MORN1: variants seen among roughly 807,000 people sequenced by gnomAD.
MORN1 encodes MORN repeat containing 1.
A neutral mutation model predicts 61.9 loss-of-function variants in MORN1; 67 were observed. That is an observed-to-expected ratio of 1.08 (90% confidence interval 0.89 to 1.33). MORN1 has a LOEUF of 1.33. Among genes scored for constraint, MORN1 ranks in the 40% most tolerant of loss-of-function variants. The probability of loss-of-function intolerance (pLI) is 0.00; values close to 1 mark genes in which losing one functional copy is unlikely to be tolerated. For synonymous variants in MORN1, 301 were observed against 292.0 expected (o/e 1.03, Z -0.31); for missense variants, 752 against 691.2 (o/e 1.09, Z -0.99).
chr1:2,348,781 ACACACGCACG>A (rs1193685127), intron 10 of MORN1, among the ~76,000 whole-genome samples: 5 of 135,746 alleles, frequency 3.7e-5, no homozygotes, highest in African/African-American at 6.9e-5. Context: ...AGGCACGCAC[ACACACGCACG>A]CACACGCACT....
chr1:2,368,150 G>T (rs771615870), intron 8 of MORN1, among the ~76,000 whole-genome samples: 14 of 152,214 alleles, frequency 9.2e-5, no homozygotes, highest in Admixed American at 2.6e-4. Flanking sequence ...ATCTGATAAG[G>T]GGCTTGTGTC....
chr1:2,384,890 A>G, intron 6 of MORN1, 88 bp downstream of exon 6: 1 of 1,163,518 alleles, frequency 8.6e-7, no homozygotes, highest in Non-Finnish European at 1.2e-6. Flanking sequence ...AGAAGCTGCC[A>G]GGGTGAGGCT....
At chr1:2,322,101 C>G in intron 13 of MORN1, 1 of 985,426 alleles carries the variant, frequency 1.0e-6, no homozygotes, top group South Asian at 4.7e-5. Flanking sequence ...CTGGGGCTCT[C>G]CGGGTGGGGC....
chr1:2,372,221 GCATA>G lies in MORN1; in HGVS notation c.745+256_745+259del, dbSNP rs952616169. ...TCAGACCTGTGCACACCTGTGCAAG[GCATA>G]CACACATATGCACACACATACAGGA... On this transcript the variant is annotated intron_variant, in intron 8 of 13. Transcript: ENST00000378531. The surrounding 1 kb of genome is among the most constrained non-coding windows in gnomAD (Gnocchi z 5.4). 5.7e-5 allele frequency: 25 copies of G among 436,486 alleles called. No individual in the cohort carries two copies. Among genetic ancestry groups the G allele is most frequent in the African/African-American group, 5.0e-4 (25 of 49,928 alleles). The allele number at this position is 436,486 out of a possible 1,614,324, so 27.0% of individuals were successfully genotyped here.
At chr1:2,330,237 A>C (rs548687927) in intron 12 of MORN1, among the ~76,000 whole-genome samples, 56 of 152,234 alleles carry the variant, frequency 3.7e-4, no homozygotes, top group African/African-American at 1.3e-3. Context: ...ACACATTGCC[A>C]CCCTGAGTCC....
At chr1:2,363,805 C>CAA (rs1553217338) in intron 8 of MORN1, among the ~76,000 whole-genome samples, 9 of 124,888 alleles carry the variant, frequency 7.2e-5, no homozygotes, top group East Asian at 4.9e-4. Flanking sequence ...AACAAACAAA[C>CAA]AAAAAAATAT....
rs973060002 is a variant in MORN1, at chr1:2,387,502, A to G, written c.275T>C (p.Leu92Pro). 1.5e-5 allele frequency: 25 copies of G among 1,613,032 alleles called. No homozygotes were observed. The highest frequency in any genetic ancestry group is 2.7e-5 in the African/African-American group (2 of 74,930). The change falls in exon 4 of 14, where the codon CTG becomes CCG. Residue 92 changes from leucine (L) to proline (P), a missense_variant. By Grantham distance (98) the Leu-to-Pro change is moderately conservative. Coordinates refer to ENST00000378531, the MANE Select transcript of MORN1 (RefSeq NM_024848.3). ...GACGCCGTAGCCTTGAGGCTCTCCC[A>G]GAACAAACTGTCCAGAGAAGGTGTC... ...SGDTFSGQFV[L>P]GEPQGYGVME...
chr1:2,329,308 A>C (rs1641099171), intron 12 of MORN1, among the ~76,000 whole-genome samples: 1 of 152,214 alleles, frequency 6.6e-6, no homozygotes, highest in Non-Finnish European at 1.5e-5. Context: ...CTGCTTGGAC[A>C]AGACAGGGTT....
chr1:2,357,569 G>T lies in MORN1; in HGVS notation c.899C>A (p.Ser300Tyr). 6.2e-7 allele frequency: 1 copy of T among 1,610,496 alleles called. No individual in the cohort carries two copies. Residue 300 changes from serine (S) to tyrosine (Y), a missense_variant, in exon 10 of 14, where the codon TCC (serine) becomes TAC (tyrosine). Transcript: ENST00000378531. This position sits in a 1 kb window ranked among gnomAD's most constrained non-coding sequence, Gnocchi z 6.3. ...CCCCGGCACCCCAGCTGCGGGGCTGGACACAGGATAAGGGATGCATTCGAA... is the reference window on the plus strand; with the variant it reads ...CCCCGGCACCCCAGCTGCGGGGCTGTACACAGGATAAGGGATGCATTCGAA... ...FGFECIPYPVSSPAAGVPGPR... is the reference protein window; with the variant it reads ...FGFECIPYPVYSPAAGVPGPR...
Position 2,372,181 on chromosome 1 carries a change from C to CA in MORN1, c.745+299dup. On this transcript the variant is annotated intron_variant, in intron 8 of 13. Transcript: ENST00000378531. This position sits in a 1 kb window ranked among gnomAD's most constrained non-coding sequence, Gnocchi z 5.4. Reference sequence around the variant, plus strand: ...TGACACACGTGCACGCGTGCCCCCCCACACGTATACACATTCAGACCTGTG... The same window carrying CA: ...TGACACACGTGCACGCGTGCCCCCCCAACACGTATACACATTCAGACCTGTG... The CA allele has an allele frequency of 3.3e-6, 1 of 298,870 alleles. No individual in the cohort carries two copies. The highest frequency in any genetic ancestry group is 3.9e-5 in the South Asian group (1 of 25,780). 18.5% of individuals were successfully genotyped at this position (298,870 alleles called of 1,614,324 possible).
chr1:2,340,334 T>C (rs1449457964), intron 10 of MORN1, among the ~76,000 whole-genome samples: 3 of 152,128 alleles, frequency 2.0e-5, no homozygotes, highest in Admixed American at 2.0e-4. Flanking sequence ...TGCTGTGTCC[T>C]GCGCATCCCA....
chr1:2,343,238 C>T (rs560164425), intron 10 of MORN1, among the ~76,000 whole-genome samples: 11 of 152,336 alleles, frequency 7.2e-5, no homozygotes, highest in East Asian at 1.9e-4. Context: ...CTGGGACCTG[C>T]GGGCACCTCT....
intron 11 of MORN1, 21 bp downstream of exon 11, chr1:2,336,696 C>A (rs1641286940): frequency 1.3e-6 from 2 of 1,547,020 alleles, no homozygotes. Flanking sequence ...GGTGGCCTCC[C>A]CGCCCCCCGT....
intron 12 of MORN1, among the ~76,000 whole-genome samples, chr1:2,326,013 G>C (rs748005889): frequency 6.6e-6 from 1 of 152,138 alleles, no homozygotes; most frequent in Non-Finnish European, 1.5e-5. Flanking sequence ...AGGCCTGCTG[G>C]GCTGGCACCC....
rs1009896635 is a variant in MORN1 at position 2,360,001 on chromosome 1, T to C, written c.746-1286A>G. Among the ~76,000 whole-genome samples, 4 of 152,136 alleles carry C rather than the reference T, an allele frequency of 2.6e-5. No individual in the cohort carries two copies. The South Asian group carries it at 8.3e-4, about 32-fold the overall frequency. Reference sequence around the variant, plus strand: ...GGAAATGACTGGACTTCAGCAAACATGGGCCATTCGGACAAAGCAGGGCCC... The same window carrying C: ...GGAAATGACTGGACTTCAGCAAACACGGGCCATTCGGACAAAGCAGGGCCC... On this transcript the variant is annotated intron_variant, in intron 8 of 13. Transcript: ENST00000378531.
chr1:2,345,408 G>A (rs373712006), intron 10 of MORN1, among the ~76,000 whole-genome samples: 18 of 152,350 alleles, frequency 1.2e-4, no homozygotes, highest in Non-Finnish European at 1.8e-4. Context: ...AGGACAATTC[G>A]GGGCACTTGT....
chr1:2,351,419 A>C (rs1015031539), intron 10 of MORN1: 2 of 159,806 alleles, frequency 1.3e-5, no homozygotes, highest in African/African-American at 4.8e-5. Flanking sequence ...CTTGCCCGCC[A>C]GCCCTCTCTG....
Position 2,321,395 on chromosome 1 carries a change from T to C in MORN1, c.1482A>G (p.Pro494=). The C allele has an allele frequency of 6.5e-7, 1 of 1,528,106 alleles. No homozygotes were observed. The highest frequency in any genetic ancestry group is 8.8e-7 in the Non-Finnish European group (1 of 1,137,292). The allele number at this position is 1,528,106 out of a possible 1,614,324, so 94.7% of individuals were successfully genotyped here. ...QAAHSCTPEP[P]APR ...TGGACACGGGGCCTCACCGAGGCGC[T>C]GGCGGCTCTGGGGTGCAGCTGTGGG... Residue 494 remains proline, a synonymous_variant, in exon 14 of 14, where the codon CCA becomes CCG. Transcript: ENST00000378531.
At chr1:2,386,794 G>C (rs773740727) in intron 4 of MORN1, 1 of 154,216 alleles carries the variant, frequency 6.5e-6, no homozygotes, top group African/African-American at 2.4e-5. Flanking sequence ...GGTATTATGT[G>C]CTTGACTCCT....
Sources: gnomAD v4.1 joint callset for allele counts (sites outside exome capture counted in the v4.1 genomes callset) on GRCh38, gnomAD v4.1.1 for gene constraint, Gnocchi (gnomAD v3.1) non-coding constraint, MANE v1.5 for transcripts, NCBI Gene and HGNC (gene_info 2026-07-23, HGNC 2026-07-21) for gene names.